NKAIN2: variants seen among roughly 807,000 people sequenced by gnomAD.
NKAIN2 encodes the protein sodium/potassium transporting ATPase interacting 2, also known as sodium/potassium-transporting ATPase subunit beta-1-interacting protein 2.
A neutral mutation model predicts 32.6 loss-of-function variants in NKAIN2; 14 were observed. The observed-to-expected ratio is 0.43, with a 90% CI of 0.28 to 0.67. The LOEUF is 0.67. NKAIN2 is among the 30% of genes least tolerant of loss of function. The pLI is 0.17. For synonymous variants in NKAIN2, 80 were observed against 87.2 expected (o/e 0.92, Z 0.46); for missense variants, 198 against 258.3 (o/e 0.77, Z 1.60).
At chr6:123,890,359 A>T (rs781269549) in intron 1 of NKAIN2, among the ~76,000 whole-genome samples, 3 of 151,834 alleles carry the variant, frequency 2.0e-5, no homozygotes, top group Admixed American at 6.6e-5. Flanking sequence ...GATGAGGTGG[A>T]AGGAAAAAAG....
Position 124,619,713 on chromosome 6 carries a change from C to T in NKAIN2, c.274-38473C>T, listed in dbSNP as rs76559499. ...AGGAATCTTTGAATTATACCTTCTA[C>T]ACTTGCCATATAAAAATAATTAGTA... On this transcript the variant is annotated intron_variant, in intron 3 of 6. Coordinates refer to ENST00000368417, the MANE Select transcript of NKAIN2 (RefSeq NM_001040214.3). 5.6e-3 allele frequency among the ~76,000 whole-genome samples: 847 copies of T among 152,218 alleles called. 10 individuals are homozygous for T. Among genetic ancestry groups the T allele is most frequent in the African/African-American group, 0.018 (762 of 41,526 alleles).
At chr6:124,687,279 GAGAGAATATATATATTCTATATAT>G (rs1562324416) in intron 4 of NKAIN2, among the ~76,000 whole-genome samples, 3 of 135,532 alleles carry the variant, frequency 2.2e-5, no homozygotes. Flanking sequence ...TATATATAGA[GAGAGAATATATATATTCTATATAT>G]AGAGAATATA....
At chr6:124,361,123 A>G (rs1799269801) in intron 3 of NKAIN2, among the ~76,000 whole-genome samples, 1 of 152,154 alleles carries the variant, frequency 6.6e-6, no homozygotes, top group African/African-American at 2.4e-5. Context: ...AGTTGAAAGT[A>G]TATAGCAGTA....
chr6:123,849,062 G>A (rs1775207343), intron 1 of NKAIN2, among the ~76,000 whole-genome samples: 1 of 152,128 alleles, frequency 6.6e-6, no homozygotes, highest in Non-Finnish European at 1.5e-5. Context: ...CAAAGCCTTT[G>A]GAGATTTTGG....
intron 1 of NKAIN2, among the ~76,000 whole-genome samples, chr6:124,182,105 C>CAA (rs1290570755): frequency 6.6e-6 from 1 of 152,186 alleles, no homozygotes; most frequent in Non-Finnish European, 1.5e-5. Context: ...GGAGCAAAGG[C>CAA]ATGTCTTACT....
chr6:124,787,910 A>C (rs930443598), intron 4 of NKAIN2, among the ~76,000 whole-genome samples: 1 of 152,012 alleles, frequency 6.6e-6, no homozygotes, highest in African/African-American at 2.4e-5. Flanking sequence ...CTGCTTGATA[A>C]TCTCACTCTG....
chr6:124,420,890 A>G (rs1335455313), intron 3 of NKAIN2, among the ~76,000 whole-genome samples: 1 of 152,022 alleles, frequency 6.6e-6, no homozygotes, highest in Non-Finnish European at 1.5e-5. Context: ...TAGGACGAGT[A>G]GCATTTGTTG....
chr6:124,813,986 T>C (rs904827460), intron 5 of NKAIN2, among the ~76,000 whole-genome samples: 1 of 152,140 alleles, frequency 6.6e-6, no homozygotes, highest in Admixed American at 6.6e-5. Flanking sequence ...TGTCATTATA[T>C]AAAAGAAACT....
At chr6:124,572,828 T>C (rs149823120) in intron 3 of NKAIN2, among the ~76,000 whole-genome samples, 115 of 152,018 alleles carry the variant, frequency 7.6e-4, no homozygotes, top group Admixed American at 2.4e-3. Context: ...CAAAAAGTTA[T>C]ATTTGTTATT....
At chr6:124,229,955 A>G (rs932434987) in intron 1 of NKAIN2, among the ~76,000 whole-genome samples, 2 of 152,276 alleles carry the variant, frequency 1.3e-5, no homozygotes, top group East Asian at 3.9e-4. Context: ...ATATCCAAAA[A>G]TGTGGAAGCA....
chr6:124,253,615 A>G (rs765778123), intron 1 of NKAIN2, among the ~76,000 whole-genome samples: 17 of 152,060 alleles, frequency 1.1e-4, no homozygotes, highest in Non-Finnish European at 1.9e-4. Flanking sequence ...TACTACTATT[A>G]TTTACCTTGA....
chr6:124,246,942 G>T (rs112548728), intron 1 of NKAIN2, among the ~76,000 whole-genome samples: 116 of 152,052 alleles, frequency 7.6e-4, no homozygotes, highest in African/African-American at 2.6e-3. Flanking sequence ...TTTACAGGAC[G>T]GTATGCCTTT....
chr6:124,317,911 T>C (rs1236735342), intron 2 of NKAIN2, among the ~76,000 whole-genome samples: 1 of 152,040 alleles, frequency 6.6e-6, no homozygotes, highest in Admixed American at 6.6e-5. Context: ...TTGTAAATAG[T>C]TTTTTTACTT....
At chr6:124,001,800 A>AAT (rs10567719) in intron 1 of NKAIN2, among the ~76,000 whole-genome samples, 23,628 of 134,450 alleles carry the variant, frequency 0.18, 2,081 homozygotes, top group South Asian at 0.28. Context: ...CTTAGTTCTA[A>AAT]ATATATATAT....
chr6:124,370,246 A>G (rs564272206), intron 3 of NKAIN2, among the ~76,000 whole-genome samples: 3 of 151,582 alleles, frequency 2.0e-5, no homozygotes, highest in African/African-American at 7.3e-5. Context: ...CTTGATTGAG[A>G]TTTGCATGAA....
At chr6:124,271,895 T>C (rs1057327330) in intron 1 of NKAIN2, among the ~76,000 whole-genome samples, 2 of 152,086 alleles carry the variant, frequency 1.3e-5, no homozygotes, top group African/African-American at 4.8e-5. Flanking sequence ...GCCCTAAAGA[T>C]CTATGGAAAT....
At chr6:124,066,279 C>G (rs1263144510) in intron 1 of NKAIN2, among the ~76,000 whole-genome samples, 1 of 152,126 alleles carries the variant, frequency 6.6e-6, no homozygotes, top group Non-Finnish European at 1.5e-5. Flanking sequence ...ATATTTTGAG[C>G]CTACTGATAA....
chr6:124,066,053 G>A (rs888895342), intron 1 of NKAIN2, among the ~76,000 whole-genome samples: 1 of 152,084 alleles, frequency 6.6e-6, no homozygotes, highest in Non-Finnish European at 1.5e-5. Context: ...TTAATTTTGT[G>A]CCATTTGCAC....
intron 1 of NKAIN2, among the ~76,000 whole-genome samples, chr6:124,244,626 A>G (rs1040445143): frequency 2.6e-5 from 4 of 151,996 alleles, no homozygotes; most frequent in Non-Finnish European, 4.4e-5. Context: ...ACGGGTATCC[A>G]CCACCACTCC....
Sources: allele counts gnomAD v4.1 joint callset (sites outside exome capture counted in the v4.1 genomes callset), GRCh38; gene constraint gnomAD v4.1.1; transcripts MANE v1.5; gene names NCBI Gene and HGNC (gene_info 2026-07-23, HGNC 2026-07-21).